The following RGN variants were observed in gnomAD, a reference collection of about 807,000 sequenced individuals.
The protein encoded by RGN is epididymis secretory protein Li 41.
In RGN, 19 loss-of-function variants were observed where a neutral mutation model predicts 20.6. The ratio of observed to expected loss-of-function variants is 0.92; its 90% CI spans 0.64 to 1.35. RGN has a LOEUF of 1.35. Among genes scored for constraint, RGN ranks in the 40% most tolerant of loss-of-function variants. The pLI is 0.00. For synonymous variants in RGN, 85 were observed against 87.2 expected, an observed-to-expected ratio of 0.97 and a Z score of 0.14; for missense variants, 302 against 232.7, an observed-to-expected ratio of 1.30 and a Z score of -1.94.
intron 4 of RGN, among the ~76,000 whole-genome samples, chrX:47,087,799 A>G (rs1334771891): frequency 9.6e-6 from 1 of 104,107 alleles, no homozygotes; most frequent in Non-Finnish European, 1.9e-5. Context: ...CTATAATATT[A>G]TACTTATAAT....
chrX:47,087,992 TTATAA>T (rs1434368422), intron 4 of RGN, among the ~76,000 whole-genome samples: 20 of 100,006 alleles, frequency 2.0e-4, no homozygotes, highest in African/African-American at 7.2e-4. Flanking sequence ...TTATATATAA[TTATAA>T]TATAATACTG....
chrX:47,082,102 T>C (rs1556381708), intron 3 of RGN, among the ~76,000 whole-genome samples: 1 of 111,698 alleles, frequency 9.0e-6, no homozygotes, highest in Admixed American at 9.6e-5. Context: ...TGGAATTTCA[T>C]GTGCATTTGA....
At position 47,081,237 on chromosome X, in the gene RGN, T is replaced by A. The variant is rs1930285026; in HGVS notation, c.93T>A (p.Phe31Leu). The change falls in exon 3 of 8, where the codon TTT (phenylalanine) becomes TTA (leucine). Residue 31 changes from phenylalanine (F) to leucine (L), a missense_variant. By Grantham distance (22) the Phe-to-Leu change is conservative. Transcript: ENST00000397180. ...VWEEVSNSLL[F>L]VDIPAKKVCR... ...AGGAAGTGTCCAACTCTCTGCTCTTTGTAGACATTCCTGCAAAAAAGGTTT... is the reference window on the plus strand; with the variant it reads ...AGGAAGTGTCCAACTCTCTGCTCTTAGTAGACATTCCTGCAAAAAAGGTTT... 8.3e-7 allele frequency: 1 copy of A among 1,207,858 alleles called. No individual in the cohort carries two copies. Among genetic ancestry groups the A allele is most frequent in the Non-Finnish European group, 1.1e-6 (1 of 893,505 alleles).
chrX:47,090,878 G>GA (rs1276882732), intron 5 of RGN, among the ~76,000 whole-genome samples: 9 of 69,255 alleles, frequency 1.3e-4, no homozygotes, highest in African/African-American at 3.5e-4. Flanking sequence ...AAGAAAGAAA[G>GA]AAAGAAAAGA....
chrX:47,081,391 C>T lies in RGN; in HGVS notation c.163+84C>T. The T allele has an allele frequency of 1.2e-5, 10 of 865,405 alleles. No homozygotes were observed. In the South Asian group the frequency reaches 2.3e-4, roughly 20 times the overall value. The allele number at this position is 865,405 out of a possible 1,213,427, so 71.3% of individuals were successfully genotyped here. On this transcript the variant is annotated intron_variant, in intron 3 of 7. Transcript: ENST00000397180. ...CACCACGGCACCCTTCTTGTTAAAG[C>T]ACACTGACTACACTTGTCACGCTGT...
intron 5 of RGN, among the ~76,000 whole-genome samples, chrX:47,090,331 T>C (rs1556387041): frequency 9.0e-6 from 1 of 111,647 alleles, no homozygotes; most frequent in African/African-American, 3.3e-5. Flanking sequence ...GATCCTATTC[T>C]ACCAGGAGGT....
At chrX:47,085,224 TAAG>T (rs1930531485) in intron 4 of RGN, among the ~76,000 whole-genome samples, 1 of 110,977 alleles carries the variant, frequency 9.0e-6, no homozygotes, top group African/African-American at 3.3e-5. Flanking sequence ...CAGAGAAAAA[TAAG>T]AATAGTACAG....
At chrX:47,091,542 T>C in intron 5 of RGN, 136 bp from the exon 6 acceptor site, 1 of 653,150 alleles carries the variant, frequency 1.5e-6, no homozygotes, top group Non-Finnish European at 2.2e-6. Flanking sequence ...AAATCCTTTG[T>C]TCACATGCCA....
At chrX:47,088,333 T>C (rs962695142) in intron 4 of RGN, among the ~76,000 whole-genome samples, 4 of 109,494 alleles carry the variant, frequency 3.7e-5, no homozygotes, top group African/African-American at 1.3e-4. Flanking sequence ...TTCACATGCA[T>C]GTTCCAGGCC....
At chrX:47,091,614 C>G in intron 5 of RGN, 64 bp from the exon 6 acceptor site, 1 of 1,139,644 alleles carries the variant, frequency 8.8e-7, no homozygotes, top group Non-Finnish European at 1.2e-6. Flanking sequence ...CGGTTTGATT[C>G]TCAGTATTTA....
Position 47,078,643 on chromosome X carries a change from G to T in RGN, c.-702G>T, listed in dbSNP as rs1473701304. Reference sequence around the variant, plus strand: ...TTCCCAGGGCCTCTCTGTCGCTGTCGCCGTCGCCGTCGCCCGAGGTCCCAG... The same window carrying T: ...TTCCCAGGGCCTCTCTGTCGCTGTCTCCGTCGCCGTCGCCCGAGGTCCCAG... On this transcript the variant is annotated 5_prime_UTR_variant, in exon 1 of 8. Transcript: ENST00000397180. The T allele has an allele frequency of 8.9e-6, 1 of 111,896 alleles. No homozygotes were observed. The highest frequency in any genetic ancestry group is 3.2e-5 in the African/African-American group (1 of 30,774). The allele number at this position is 111,896 out of a possible 1,213,427, so 9.2% of individuals were successfully genotyped here.
rs782743472 is a variant in RGN at position 47,091,777 on chromosome X, G to C, written c.662G>C (p.Gly221Ala). The change falls in exon 6 of 8, where the codon GGA becomes GCA. Residue 221 changes from glycine (G) to alanine (A), a missense_variant. Gly to Ala is a moderately conservative substitution (Grantham distance 60). Transcript: ENST00000397180. The part of the protein sequence containing the change: ...EGKLWVACYN[G>A]GRVIRLDPVT... ...AAGCTCTGGGTGGCCTGTTACAATGGAGGAAGAGTGATTCGTTTAGATCCT... is the reference window on the plus strand; with the variant it reads ...AAGCTCTGGGTGGCCTGTTACAATGCAGGAAGAGTGATTCGTTTAGATCCT... The C allele has an allele frequency of 8.3e-7, 1 of 1,210,702 alleles. No individual in the cohort carries two copies. The highest frequency in any genetic ancestry group is 1.7e-5 in the African/African-American group (1 of 57,729).
At chrX:47,087,914 TA>T (rs1478854314) in intron 4 of RGN, among the ~76,000 whole-genome samples, 21 of 101,100 alleles carry the variant, frequency 2.1e-4, no homozygotes, top group Admixed American at 9.5e-4. Flanking sequence ...ATATTATATA[TA>T]AATATAATTA....
At chrX:47,092,631 G>GA (rs1276748337) in intron 7 of RGN, among the ~76,000 whole-genome samples, 2 of 112,002 alleles carry the variant, frequency 1.8e-5, no homozygotes, top group African/African-American at 3.2e-5. Flanking sequence ...ACATAATGTA[G>GA]AAACCCCTTT....
intron 5 of RGN, among the ~76,000 whole-genome samples, chrX:47,090,944 GAAAGAAAGA>G (rs1301672892): frequency 3.1e-4 from 12 of 38,190 alleles, no homozygotes; most frequent in Admixed American, 2.8e-3. Flanking sequence ...AAGAAAGAAA[GAAAGAAAGA>G]AAGAAAGAAA....
rs782304427 is a variant in RGN, at chrX:47,081,126, A to G, written c.-15-4A>G. 1.1e-5 allele frequency: 13 copies of G among 1,195,327 alleles called. No individual in the cohort carries two copies. Among genetic ancestry groups the G allele is most frequent in the Non-Finnish European group, 1.4e-5 (12 of 881,013 alleles). Reference sequence around the variant, plus strand: ...CTTTCACTCACCTCTGTTACCTTCAATAGATCTCCCCTGCGACCATGTCTT... The same window carrying G: ...CTTTCACTCACCTCTGTTACCTTCAGTAGATCTCCCCTGCGACCATGTCTT... On this transcript the variant is annotated splice_region_variant and splice_polypyrimidine_tract_variant and intron_variant, in intron 2 of 7. Transcript: ENST00000397180.
At chrX:47,089,040 T>G (rs1930749170) in intron 4 of RGN, among the ~76,000 whole-genome samples, 2 of 97,861 alleles carry the variant, frequency 2.0e-5, no homozygotes, top group Admixed American at 2.3e-4. Context: ...ACCCCAGCAC[T>G]TTGGAGGCCA....
chrX:47,090,971 A>G (rs372593095), intron 5 of RGN, among the ~76,000 whole-genome samples: 83 of 49,027 alleles, frequency 1.7e-3, no homozygotes, highest in East Asian at 2.8e-3. Flanking sequence ...AAAGAAAGAA[A>G]GAAAGAAAGA....
In RGN at chrX:47,081,532, G is replaced by A. The variant is rs782377464; in HGVS notation, c.163+225G>A. On this transcript the variant is annotated intron_variant, in intron 3 of 7. Coordinates refer to ENST00000397180, the MANE Select transcript of RGN (RefSeq NM_152869.4). ...TTCCTAGTTTTTTTTTGGGGGGGGG[G>A]GTGTTTTTGTTTATTTTTTGTTTTG... Among the ~76,000 whole-genome samples, 148 of 102,890 alleles carry A rather than the reference G, an allele frequency of 1.4e-3. 1 individual carries two copies. The South Asian group carries it at 0.023, about 16-fold the overall frequency. The allele number at this position is 102,890 out of a possible 115,157, so 89.3% of individuals were successfully genotyped here.
Sources: allele counts gnomAD v4.1 joint callset (sites outside exome capture counted in the v4.1 genomes callset), GRCh38; gene constraint gnomAD v4.1.1; transcripts MANE v1.5; gene names NCBI Gene and HGNC (gene_info 2026-07-23, HGNC 2026-07-21).